Variants in SRD5A1 observed in about 807,000 individuals in gnomAD.
The protein encoded by SRD5A1 is steroid 5 alpha-reductase 1.
Under a neutral mutation model 28.2 loss-of-function variants are expected in SRD5A1, and 22 were observed. The observed-to-expected ratio is 0.78, with a 90% CI of 0.56 to 1.12. The LOEUF is 1.12. Among genes scored for constraint, SRD5A1 ranks in the 50% most tolerant of loss-of-function variants. The pLI is 0.00. For missense variants in SRD5A1, 300 were observed against 346.7 expected, an observed-to-expected ratio of 0.87 and a Z score of 1.07; for synonymous variants, 151 against 135.0, an observed-to-expected ratio of 1.12 and a Z score of -0.82.
rs1739422854 is a variant in SRD5A1 at position 6,673,559 on chromosome 5, AATCT to A, written c.*5293_*5296del. On this transcript the variant is annotated 3_prime_UTR_variant, in exon 5 of 5. Transcript: ENST00000274192. ...AAAGGTAAACATACTCTTACTAAAC[AATCT>A]AGTAGATTTGCTCCTAGGTGTTTAC... The A allele has an allele frequency of 1.3e-5, 2 of 152,192 alleles. No individual in the cohort carries two copies. Among genetic ancestry groups the A allele is most frequent in the Admixed American group, 1.3e-4 (2 of 15,280 alleles). 9.4% of individuals were successfully genotyped at this position (152,192 alleles called of 1,614,324 possible). A position where few individuals can be genotyped will look rare whatever the true frequency, so the allele number is the denominator to read the frequency against.
chr5:6,654,582 G>A (rs1054136990), intron 2 of SRD5A1, among the ~76,000 whole-genome samples: 35 of 152,080 alleles, frequency 2.3e-4, no homozygotes, highest in African/African-American at 7.2e-4. Flanking sequence ...ACAGGCTTGC[G>A]CCATCTTACC....
chr5:6,662,950 G>A lies in SRD5A1; in HGVS notation c.697G>A (p.Ala233Thr). The A allele has an allele frequency of 1.2e-6, 2 of 1,614,156 alleles. No homozygotes were observed. The highest frequency in any genetic ancestry group is 1.7e-6 in the Non-Finnish European group (2 of 1,180,024). The change falls in exon 4 of 5, where the codon GCA (alanine) becomes ACA (threonine). Residue 233 changes from alanine to threonine, a missense_variant. By Grantham distance (58) the Ala-to-Thr change is moderately conservative (BLOSUM62 0). Around this residue, in one of 2 missense-constraint regions of SRD5A1, gnomAD observed 126 missense variants for 185.7 expected, o/e 0.68. Transcript: ENST00000274192. The part of the protein sequence containing the change: ...FFTFCFLSGR[A>T]KEHHEWYLRK... ...CACGTTTTGTTTTTTATCTGGTAGA[G>A]CAAAAGAGCATCATGAGTAAGTTTT...
At chr5:6,649,193 C>T (rs1738593087) in intron 1 of SRD5A1, among the ~76,000 whole-genome samples, 1 of 152,180 alleles carries the variant, frequency 6.6e-6, no homozygotes. Flanking sequence ...AGTGTGGATA[C>T]ACAGGGGGTC....
chr5:6,645,335 A>G lies in SRD5A1; in HGVS notation c.294-6507A>G, dbSNP rs1040203428. On this transcript the variant is annotated intron_variant, in intron 1 of 4. Coordinates refer to ENST00000274192, the MANE Select transcript of SRD5A1 (RefSeq NM_001047.4). Reference sequence around the variant, plus strand: ...GTATAATTTACAAATAATAAAATTCACCCATTTTAAGTCTGTAATTTGGGC... The same window carrying G: ...GTATAATTTACAAATAATAAAATTCGCCCATTTTAAGTCTGTAATTTGGGC... 8.7e-5 allele frequency: 17 copies of G among 194,600 alleles called. No individual in the cohort carries two copies. In the Admixed American group the frequency reaches 9.0e-4, roughly 10 times the overall value. 12.1% of individuals were successfully genotyped at this position (194,600 alleles called of 1,614,324 possible).
intron 1 of SRD5A1, chr5:6,645,252 G>A (rs946360771): frequency 2.1e-5 from 6 of 279,924 alleles, no homozygotes; most frequent in Admixed American, 2.0e-4. Flanking sequence ...TTACCCTGGC[G>A]CACATGGTCA....
intron 1 of SRD5A1, among the ~76,000 whole-genome samples, chr5:6,639,301 C>T (rs137931583): frequency 1.3e-5 from 2 of 152,308 alleles, no homozygotes; most frequent in East Asian, 1.9e-4. Flanking sequence ...CTCTGGAATG[C>T]ATACTGTGCT....
chr5:6,648,782 T>C (rs1457552653), intron 1 of SRD5A1, among the ~76,000 whole-genome samples: 2 of 152,196 alleles, frequency 1.3e-5, no homozygotes, highest in South Asian at 4.1e-4. Context: ...TCAAACTAAT[T>C]CTCTATCCAG....
intron 3 of SRD5A1, among the ~76,000 whole-genome samples, chr5:6,656,899 A>G (rs1226526795): frequency 1.3e-5 from 2 of 152,202 alleles, no homozygotes; most frequent in African/African-American, 4.8e-5. Context: ...CAGCACCATG[A>G]GGGAGAGCGT....
At chr5:6,660,831 C>T (rs947933438) in intron 3 of SRD5A1, among the ~76,000 whole-genome samples, 22 of 152,162 alleles carry the variant, frequency 1.4e-4, no homozygotes, top group Admixed American at 1.3e-3. Context: ...CTCACAGTTC[C>T]GCATGGCTGG....
In SRD5A1 at chr5:6,668,548, A is replaced by G. The variant is rs1326973064; in HGVS notation, c.*280A>G. On this transcript the variant is annotated 3_prime_UTR_variant, in exon 5 of 5. Transcript: ENST00000274192. ...AATTTCAAATTTACCTCTTTTGGCT[A>G]TGTCTTGCCAAGTGTGTATGAGACT... is the stretch of plus-strand genomic sequence containing the variant. The G allele has an allele frequency of 1.1e-5, 3 of 284,756 alleles. No individual in the cohort carries two copies. The highest frequency in any genetic ancestry group is 2.2e-5 in the African/African-American group (1 of 44,904). The allele number at this position is 284,756 out of a possible 1,614,324, so 17.6% of individuals were successfully genotyped here.
At position 6,673,126 on chromosome 5, in the gene SRD5A1, TG is replaced by T. The variant is rs1353457827; in HGVS notation, c.*4859del. ...TTAGCACCGATTGTTCTGTCTAATT[TG>T]AAAGGATCCAAAAAAGGAAATGATA... On this transcript the variant is annotated 3_prime_UTR_variant, in exon 5 of 5. Transcript: ENST00000274192. 19 of 152,204 alleles carry T rather than the reference TG, an allele frequency of 1.2e-4. No individual in the cohort carries two copies. Among genetic ancestry groups the T allele is most frequent in the Admixed American group, 1.2e-3 (19 of 15,272 alleles). 9.4% of individuals were successfully genotyped at this position (152,204 alleles called of 1,614,324 possible).
At position 6,674,035 on chromosome 5, in the gene SRD5A1, G is replaced by C. The variant is rs1255900027; in HGVS notation, c.*5767G>C. ...ATACTTTATGGATATAGAATATTAT[G>C]CATTTTTCAAAACACATAGAATATA... On this transcript the variant is annotated 3_prime_UTR_variant, in exon 5 of 5. Transcript: ENST00000274192. 2 of 151,994 alleles carry C rather than the reference G, an allele frequency of 1.3e-5. No individual in the cohort carries two copies. The highest frequency in any genetic ancestry group is 2.9e-5 in the Non-Finnish European group (2 of 67,988). 9.4% of individuals were successfully genotyped at this position (151,994 alleles called of 1,614,324 possible). A position where few individuals can be genotyped will look rare whatever the true frequency, so the allele number is the denominator to read the frequency against.
intron 4 of SRD5A1, among the ~76,000 whole-genome samples, chr5:6,667,336 T>C (rs1739215531): frequency 1.3e-5 from 2 of 152,202 alleles, no homozygotes; most frequent in Admixed American, 6.5e-5. Flanking sequence ...GGCCGCCCAG[T>C]ATGTTCGAAT....
intron 4 of SRD5A1, among the ~76,000 whole-genome samples, chr5:6,667,043 G>C (rs545774857): frequency 3.7e-4 from 57 of 152,352 alleles, no homozygotes; most frequent in African/African-American, 1.3e-3. Flanking sequence ...AGTGCTGGAT[G>C]GCCTGGATCC....
intron 1 of SRD5A1, among the ~76,000 whole-genome samples, chr5:6,638,196 G>C (rs931909368): frequency 6.6e-6 from 1 of 152,186 alleles, no homozygotes; most frequent in Non-Finnish European, 1.5e-5. Context: ...AAATTTAGCT[G>C]GGTGTGGTGG....
At chr5:6,666,413 A>C (rs543716293) in intron 4 of SRD5A1, among the ~76,000 whole-genome samples, 2 of 152,190 alleles carry the variant, frequency 1.3e-5, no homozygotes, top group East Asian at 3.9e-4. Flanking sequence ...CTCCCAAAGC[A>C]CTGGAATTAC....
At chr5:6,666,673 A>G (rs1739193089) in intron 4 of SRD5A1, among the ~76,000 whole-genome samples, 1 of 152,214 alleles carries the variant, frequency 6.6e-6, no homozygotes, top group South Asian at 2.1e-4. Context: ...TTTTATTTCT[A>G]TATAATGGTT....
At chr5:6,665,251 G>A (rs4702381) in intron 4 of SRD5A1, among the ~76,000 whole-genome samples, 30,475 of 152,182 alleles carry the variant, frequency 0.2, 3,629 homozygotes, top group Middle Eastern at 0.29. Context: ...ACCTTCAGAG[G>A]GAGCGTAGCC....
At chr5:6,658,218 G>C (rs974804554) in intron 3 of SRD5A1, among the ~76,000 whole-genome samples, 3 of 152,112 alleles carry the variant, frequency 2.0e-5, no homozygotes, top group Admixed American at 2.0e-4. Context: ...CCAGCTACTT[G>C]GGAGGCTGAG....
Sources: gnomAD v4.1 joint callset for allele counts (sites outside exome capture counted in the v4.1 genomes callset) on GRCh38, gnomAD v4.1.1 for gene constraint, gnomAD v4.1.1 regional missense constraint, MANE v1.5 for transcripts, NCBI Gene and HGNC (gene_info 2026-07-23, HGNC 2026-07-21) for gene names.